The following FANCA variants were observed in gnomAD, a reference collection of about 807,000 sequenced individuals.
The protein encoded by FANCA is Fanconi anemia group A protein.
Under a neutral mutation model 194.3 loss-of-function variants are expected in FANCA, and 236 were observed. The observed-to-expected ratio is 1.21, with a 90% CI of 1.09 to 1.35. The LOEUF (loss-of-function observed/expected upper bound fraction) is 1.35. FANCA is among the 40% of genes most tolerant of loss of function. The pLI is 0.00. For synonymous variants in FANCA, 1,014 were observed against 715.8 expected, an observed-to-expected ratio of 1.42 and a Z score of -6.65; for missense variants, 2,628 against 1,813.9, an observed-to-expected ratio of 1.45 and a Z score of -8.15.
intron 38 of FANCA, 94 bp from the exon 39 acceptor site, chr16:89,740,193 TCTTTG>T: frequency 1.0e-6 from 1 of 993,646 alleles, no homozygotes; most frequent in South Asian, 1.3e-5. Context: ...GGGCATTTCC[TCTTTG>T]CTTATTGTAA....
chr16:89,738,483 C>G lies in FANCA; in HGVS notation c.*118G>C. 4.0e-6 allele frequency: 6 copies of G among 1,501,390 alleles called. No individual in the cohort carries two copies. Among genetic ancestry groups the G allele is most frequent in the Non-Finnish European group, 5.5e-6 (6 of 1,091,898 alleles). The allele number at this position is 1,501,390 out of a possible 1,614,324, so 93.0% of individuals were successfully genotyped here. On this transcript the variant is annotated 3_prime_UTR_variant, in exon 43 of 43. Transcript: ENST00000389301. ...AGTTCATAAATAATTGATTCCTTTC[C>G]CCACTAAAGCAGTCGAGGAGATTTG...
In FANCA at chr16:89,783,221, T is replaced by A. The variant is rs12448860; in HGVS notation, c.1471-119A>T. 0.48 allele frequency: 367,352 copies of A among 771,162 alleles called. 97,417 individuals are homozygous for A. Among genetic ancestry groups the A allele is most frequent in the East Asian group, 0.98 (36,726 of 37,486 alleles). The allele number at this position is 771,162 out of a possible 1,614,324, so 47.8% of individuals were successfully genotyped here. A position where few individuals can be genotyped will look rare whatever the true frequency, so the allele number is the denominator to read the frequency against. On this transcript the variant is annotated intron_variant, in intron 15 of 42. Transcript: ENST00000389301. The stretch of plus-strand genomic sequence containing the variant: ...AGTAGAGAAACACAGCCCTTTACAG[T>A]CAGACTTATGAGTATGCAAAGCAAA...
At position 89,764,948 on chromosome 16, in the gene FANCA, G is replaced by A. The variant is rs1032654534; in HGVS notation, c.2720C>T (p.Ala907Val). The change falls in exon 28 of 43, where the codon GCC (alanine) becomes GTC (valine). Residue 907 changes from alanine (A) to valine (V), a missense_variant. Ala to Val is a moderately conservative substitution (Grantham distance 64). Coordinates refer to ENST00000389301, the MANE Select transcript of FANCA (RefSeq NM_000135.4). Reference protein sequence around the residue: ...HLPSADWQRAALSLWTHRTFR... With the variant: ...HLPSADWQRAVLSLWTHRTFR... ...GGTTCTGTGTGTCCAGAGAGAGAGG[G>A]CAGCTCTCTGCCAGTCTGCAGAAGG... The A allele has an allele frequency of 5.0e-6, 8 of 1,614,088 alleles. No individual in the cohort carries two copies. The highest frequency in any genetic ancestry group is 3.3e-5 in the Admixed American group (2 of 60,012).
intron 21 of FANCA, among the ~76,000 whole-genome samples, chr16:89,775,396 C>T (rs569295297): frequency 1.1e-4 from 16 of 152,348 alleles, no homozygotes; most frequent in Admixed American, 3.9e-4. Flanking sequence ...CTCGAGCCAG[C>T]GCTGTGGGCC....
At chr16:89,769,757 CTCT>C (rs1229112918) in intron 26 of FANCA, 77 bp downstream of exon 26, 1 of 1,513,446 alleles carries the variant, frequency 6.6e-7, no homozygotes, top group African/African-American at 1.4e-5. Flanking sequence ...GCATGTCTGT[CTCT>C]TCTAATTTTA....
At chr16:89,767,072 T>A (rs1187762442) in intron 27 of FANCA, 69 bp downstream of exon 27, 7 of 1,277,056 alleles carry the variant, frequency 5.5e-6, no homozygotes, top group Non-Finnish European at 6.9e-6. Flanking sequence ...ACCTCGGCCT[T>A]CCGGTCCGAA....
intron 3 of FANCA, among the ~76,000 whole-genome samples, chr16:89,813,061 G>C (rs923703301): frequency 1.4e-4 from 21 of 151,032 alleles, no homozygotes; most frequent in African/African-American, 4.6e-4. Context: ...TTTTACAATA[G>C]TTCTAGAAGC....
At chr16:89,807,540 A>G in intron 6 of FANCA, among the ~76,000 whole-genome samples, 1 of 151,830 alleles carries the variant, frequency 6.6e-6, no homozygotes, top group South Asian at 2.1e-4. Context: ...ACCTGAGGTT[A>G]GGAGTTTGAC....
intron 2 of FANCA, among the ~76,000 whole-genome samples, chr16:89,814,987 A>G (rs2041047187): frequency 6.6e-6 from 1 of 152,104 alleles, no homozygotes; most frequent in Non-Finnish European, 1.5e-5. Flanking sequence ...AAAATTCAAG[A>G]TCTGTGCATA....
In FANCA at chr16:89,740,881, G is replaced by C. The variant is rs749085160; in HGVS notation, c.3766-15C>G. On this transcript the variant is annotated splice_polypyrimidine_tract_variant and intron_variant, in intron 37 of 42. Transcript: ENST00000389301. Reference sequence around the variant, plus strand: ...AAAACCAATAGCTGTAAATAAAAACGTGCACTTATTATTACATTAAAATTA... The same window carrying C: ...AAAACCAATAGCTGTAAATAAAAACCTGCACTTATTATTACATTAAAATTA... 2.7e-5 allele frequency: 43 copies of C among 1,604,374 alleles called. No individual in the cohort carries two copies. Among genetic ancestry groups the C allele is most frequent in the Non-Finnish European group, 3.3e-5 (39 of 1,173,352 alleles).
intron 31 of FANCA, among the ~76,000 whole-genome samples, chr16:89,750,482 CAAAA>C (rs745845600): frequency 9.1e-6 from 1 of 109,894 alleles, no homozygotes; most frequent in Non-Finnish European, 2.0e-5. Context: ...GACTCCGTCT[CAAAA>C]AAAAACAAAC....
At chr16:89,740,186 CATTT>C in intron 38 of FANCA, 87 bp from the exon 39 acceptor site, 2 of 1,040,958 alleles carry the variant, frequency 1.9e-6, no homozygotes, top group Non-Finnish European at 3.0e-6. Context: ...CAGAAGAGGG[CATTT>C]CCTCTTTGCT....
At chr16:89,766,585 C>G (rs1021541208) in intron 27 of FANCA, among the ~76,000 whole-genome samples, 3 of 151,892 alleles carry the variant, frequency 2.0e-5, no homozygotes, top group Non-Finnish European at 2.9e-5. Context: ...TATGGTGGCA[C>G]GTGCCTGTAA....
chr16:89,740,803 C>G lies in FANCA; in HGVS notation c.3828+1G>C, dbSNP rs1432988639. The G allele has an allele frequency of 9.3e-6, 15 of 1,612,968 alleles. No individual in the cohort carries two copies. Among genetic ancestry groups the G allele is most frequent in the Non-Finnish European group, 1.3e-5 (15 of 1,179,346 alleles). On this transcript the variant is annotated splice_donor_variant, in intron 38 of 42. Coordinates refer to ENST00000389301, the MANE Select transcript of FANCA (RefSeq NM_000135.4). LOFTEE classifies it high-confidence loss of function. ...ACCTTGGCTGGTAAGGTCTGACTTA[C>G]ATTTGAGGTCAGATGTGACGACAGC...
At chr16:89,782,246 G>A (rs551664266) in intron 17 of FANCA, among the ~76,000 whole-genome samples, 5 of 146,868 alleles carry the variant, frequency 3.4e-5, no homozygotes, top group South Asian at 4.4e-4. Context: ...GCGTGGTGGC[G>A]GGCGCCTGTA....
chr16:89,760,471 G>A (rs905328418), intron 29 of FANCA, among the ~76,000 whole-genome samples: 1 of 152,162 alleles, frequency 6.6e-6, no homozygotes, highest in African/African-American at 2.4e-5. Flanking sequence ...GGTGGCTGTT[G>A]CCAACCCTCT....
chr16:89,806,525 C>A (rs955873287), intron 6 of FANCA, among the ~76,000 whole-genome samples: 1 of 151,642 alleles, frequency 6.6e-6, no homozygotes. Context: ...TCCCTGGGTA[C>A]TTGAGATTAG....
chr16:89,798,630 C>A, intron 10 of FANCA: 3 of 1,182,984 alleles, frequency 2.5e-6, no homozygotes, highest in Non-Finnish European at 3.2e-6. Context: ...CCCCACTCCT[C>A]AGCTTCCGCC....
intron 10 of FANCA, among the ~76,000 whole-genome samples, chr16:89,796,257 A>G (rs2040242328): frequency 1.3e-5 from 2 of 152,122 alleles, no homozygotes; most frequent in African/African-American, 2.4e-5. Context: ...GCAGAAGGAA[A>G]CAGGTGGGGA....
Sources: gnomAD v4.1 joint callset for allele counts (sites outside exome capture counted in the v4.1 genomes callset) on GRCh38, gnomAD v4.1.1 for gene constraint, MANE v1.5 for transcripts, NCBI Gene and HGNC (gene_info 2026-07-23, HGNC 2026-07-21) for gene names.